PIR: variants seen among roughly 807,000 people sequenced by gnomAD.
The protein encoded by PIR is pirin (iron-binding nuclear protein).
In PIR, 22 loss-of-function variants were observed where a neutral mutation model predicts 24.2. The observed-to-expected ratio is 0.91, with a 90% CI of 0.65 to 1.30. PIR has a LOEUF of 1.30. PIR is among the 50% of genes most tolerant of loss of function. The probability of loss-of-function intolerance (pLI) is 0.00; values close to 1 mark genes in which losing one functional copy is unlikely to be tolerated. For synonymous variants in PIR, 80 were observed against 79.6 expected (o/e 1.00, Z -0.03); for missense variants, 220 against 220.3 (o/e 1.00, Z 0.01).
intron 3 of PIR, among the ~76,000 whole-genome samples, chrX:15,473,864 T>C (rs1015104379): frequency 8.0e-5 from 9 of 112,859 alleles, no homozygotes; most frequent in African/African-American, 2.9e-4. Context: ...CTCTGTTTTT[T>C]ATTTTTTAAA....
chrX:15,390,888 C>T (rs1923937712), intron 8 of PIR, among the ~76,000 whole-genome samples: 2 of 111,345 alleles, frequency 1.8e-5, no homozygotes, highest in African/African-American at 6.5e-5. Flanking sequence ...GAAAAATACA[C>T]TTTCATATAT....
rs146291069 is a variant in PIR, at chrX:15,385,095, T to C, written c.782A>G (p.Asn261Ser). 1.5e-5 allele frequency: 18 copies of C among 1,175,701 alleles called. No homozygotes were observed. The highest frequency in any genetic ancestry group is 5.4e-5 in the South Asian group (3 of 55,549). The change falls in exon 10 of 10, where the codon AAT becomes AGT. Residue 261 changes from asparagine to serine, a missense_variant. Asn to Ser is a conservative substitution (Grantham distance 46). Transcript: ENST00000380420. ...IQHGPFVMNTNEEISQAILDF... is the reference protein window; with the variant it reads ...IQHGPFVMNTSEEISQAILDF... ...AAGAATAGCTTGAGAAATCTCTTCATTGGTGTTCATCACAAATGGACCTAG... is the reference window on the plus strand; with the variant it reads ...AAGAATAGCTTGAGAAATCTCTTCACTGGTGTTCATCACAAATGGACCTAG...
At position 15,384,987 on chromosome X, in the gene PIR, T is replaced by G; in HGVS notation, c.*17A>C. On this transcript the variant is annotated 3_prime_UTR_variant, in exon 10 of 10. Coordinates refer to ENST00000380420, the MANE Select transcript of PIR (RefSeq NM_001018109.3). ...CAAAATTCTAGGACACATCAAGACC[T>G]GCTCTTCCGCTTTCCACTAGTTCCC... 1.1e-6 allele frequency: 1 copy of G among 951,302 alleles called. No homozygotes were observed. The highest frequency in any genetic ancestry group is 1.5e-6 in the Non-Finnish European group (1 of 659,604). 78.4% of individuals were successfully genotyped at this position (951,302 alleles called of 1,213,427 possible).
At chrX:15,475,123 G>A (rs956625189) in intron 3 of PIR, among the ~76,000 whole-genome samples, 6 of 109,088 alleles carry the variant, frequency 5.5e-5, no homozygotes, top group African/African-American at 2.0e-4. Context: ...AACAGGCTAT[G>A]TGGGAGGTGG....
intron 5 of PIR, among the ~76,000 whole-genome samples, chrX:15,445,583 C>A (rs183451317): frequency 9.0e-6 from 1 of 111,354 alleles, no homozygotes; most frequent in African/African-American, 3.3e-5. Flanking sequence ...TAAGGTTTTA[C>A]GAAAAAGAGG....
intron 2 of PIR, among the ~76,000 whole-genome samples, chrX:15,490,523 A>G (rs1923095203): frequency 1.8e-5 from 2 of 111,946 alleles, no homozygotes; most frequent in Admixed American, 9.5e-5. Context: ...TTCTGTGCAT[A>G]TAAGACTTAT....
At chrX:15,423,210 G>A (rs938414164) in intron 6 of PIR, among the ~76,000 whole-genome samples, 1 of 109,088 alleles carries the variant, frequency 9.2e-6, no homozygotes, top group African/African-American at 3.3e-5. Flanking sequence ...CCAGGACATT[G>A]GACTGGACAA....
intron 6 of PIR, among the ~76,000 whole-genome samples, chrX:15,413,955 T>C (rs1372079118): frequency 8.9e-6 from 1 of 111,937 alleles, no homozygotes; most frequent in Non-Finnish European, 1.9e-5. Context: ...TCCACATTCA[T>C]AATACTGAAC....
rs183160296 is a variant in PIR at position 15,404,889 on chromosome X, G to A, written c.610+2617C>T. ...TTGTGTGAGCTGGATTCTCTTCACAGTCCAGTTTATTCTAGACAGATGCAA... is the reference window on the plus strand; with the variant it reads ...TTGTGTGAGCTGGATTCTCTTCACAATCCAGTTTATTCTAGACAGATGCAA... On this transcript the variant is annotated intron_variant, in intron 7 of 9. Transcript: ENST00000380420. Among the ~76,000 whole-genome samples the A allele has an allele frequency of 1.1e-3, 125 of 111,601 alleles. 1 individual carries two copies. Among genetic ancestry groups the A allele is most frequent in the African/African-American group, 3.9e-3 (119 of 30,660 alleles).
chrX:15,440,981 T>C (rs2147046684), intron 5 of PIR, among the ~76,000 whole-genome samples: 1 of 111,928 alleles, frequency 8.9e-6, no homozygotes, highest in African/African-American at 3.2e-5. Flanking sequence ...TAAAATTTCA[T>C]GGAACCAAAA....
At chrX:15,387,073 C>CTTTTTTTT (rs764572854) in intron 9 of PIR, among the ~76,000 whole-genome samples, 41 of 12,642 alleles carry the variant, frequency 3.2e-3, no homozygotes, top group Non-Finnish European at 4.7e-3. Flanking sequence ...CTTTTCTTTT[C>CTTTTTTTT]TTTTTTTTTT....
chrX:15,476,627 T>C (rs2147078106), intron 3 of PIR, among the ~76,000 whole-genome samples: 1 of 107,661 alleles, frequency 9.3e-6, no homozygotes, highest in South Asian at 4.0e-4. Context: ...AGACCTTCTA[T>C]AAAATAATAA....
chrX:15,401,230 T>A (rs12010317), intron 7 of PIR, among the ~76,000 whole-genome samples: 2,506 of 107,497 alleles, frequency 0.023, 26 homozygotes, highest in Non-Finnish European at 0.038. Flanking sequence ...TTAAAAAAAT[T>A]TTTTTTGGTA....
chrX:15,447,894 T>G (rs751737943), intron 5 of PIR, among the ~76,000 whole-genome samples: 2 of 112,233 alleles, frequency 1.8e-5, no homozygotes, highest in South Asian at 7.5e-4. Flanking sequence ...ATAGCTTTTA[T>G]TATGCTCTTA....
chrX:15,447,487 T>G (rs999822697), intron 5 of PIR, among the ~76,000 whole-genome samples: 2 of 111,110 alleles, frequency 1.8e-5, no homozygotes, highest in African/African-American at 6.6e-5. Context: ...GCTAATTTTG[T>G]TTTTGTATTT....
intron 8 of PIR, among the ~76,000 whole-genome samples, chrX:15,396,169 T>C (rs1383795066): frequency 8.9e-6 from 1 of 112,385 alleles, no homozygotes; most frequent in Non-Finnish European, 1.9e-5. Flanking sequence ...TTGAAAGATA[T>C]AAAATAGACA....
At chrX:15,387,388 C>T (rs1438080508) in intron 9 of PIR, among the ~76,000 whole-genome samples, 3 of 109,729 alleles carry the variant, frequency 2.7e-5, no homozygotes, top group African/African-American at 1.0e-4. Context: ...TGAGCCACCG[C>T]GCCCGGCCCA....
chrX:15,445,719 T>C (rs1229977853), intron 5 of PIR, among the ~76,000 whole-genome samples: 2 of 110,792 alleles, frequency 1.8e-5, no homozygotes, highest in Admixed American at 9.6e-5. Context: ...CGTGAGAGCA[T>C]TGTGCTTGAG....
At chrX:15,492,690 G>A (rs187777697) in intron 1 of PIR, among the ~76,000 whole-genome samples, 322 of 111,675 alleles carry the variant, frequency 2.9e-3, no homozygotes, top group African/African-American at 9.8e-3. Context: ...TGATAAGACC[G>A]CCTACCTCAA....
Sources: gnomAD v4.1 joint callset for allele counts (sites outside exome capture counted in the v4.1 genomes callset) on GRCh38, gnomAD v4.1.1 for gene constraint, MANE v1.5 for transcripts, NCBI Gene and HGNC (gene_info 2026-07-23, HGNC 2026-07-21) for gene names.